Variants in RIMS2 observed in about 807,000 individuals in gnomAD.
RIMS2 encodes the protein regulating synaptic membrane exocytosis 2.
RIMS2 carries 59 observed loss-of-function variants against 174.4 expected under a neutral mutation model. That is an observed-to-expected ratio of 0.34 (90% confidence interval 0.27 to 0.42). The LOEUF (loss-of-function observed/expected upper bound fraction) is 0.42, where lower values mean the gene tolerates loss of function less well. Ranked by LOEUF, RIMS2 falls within the 10% of genes least tolerant of loss-of-function variation. The pLI, the probability that RIMS2 is intolerant of heterozygous loss-of-function variation, is 1.00. For missense variants in RIMS2, 1,620 were observed against 1,666.3 expected (o/e 0.97, Z 0.48); for synonymous variants, 606 against 572.5 (o/e 1.06, Z -0.84).
intron 1 of RIMS2, among the ~76,000 whole-genome samples, chr8:103,571,014 A>G (rs1003869693): frequency 3.3e-5 from 5 of 152,168 alleles, no homozygotes; most frequent in African/African-American, 9.6e-5. Flanking sequence ...CTAATGATCA[A>G]TTGGTCTACT....
chr8:103,754,892 CTG>C (rs1162679589), intron 2 of RIMS2, among the ~76,000 whole-genome samples: 2 of 152,134 alleles, frequency 1.3e-5, no homozygotes, highest in Non-Finnish European at 2.9e-5. Context: ...ATTTGCCAGT[CTG>C]TGTCTTTTAA....
intron 4 of RIMS2, among the ~76,000 whole-genome samples, chr8:103,908,266 C>G (rs2074933910): frequency 6.6e-6 from 1 of 152,170 alleles, no homozygotes; most frequent in South Asian, 2.1e-4. Context: ...TGATCTCCAT[C>G]TCTTGACCTC....
chr8:103,604,173 G>A (rs1187553398), intron 1 of RIMS2, among the ~76,000 whole-genome samples: 1 of 150,388 alleles, frequency 6.6e-6, no homozygotes, highest in Non-Finnish European at 1.5e-5. Flanking sequence ...ATTAATTTTT[G>A]TATAAGGTGT....
At chr8:104,131,338 A>G (rs1241801791) in intron 19 of RIMS2, among the ~76,000 whole-genome samples, 1 of 152,186 alleles carries the variant, frequency 6.6e-6, no homozygotes, top group Non-Finnish European at 1.5e-5. Context: ...GGTTGGATAG[A>G]GAGAGTAAGG....
chr8:103,883,222 A>G (rs558342477), intron 3 of RIMS2, among the ~76,000 whole-genome samples: 2 of 151,898 alleles, frequency 1.3e-5, no homozygotes, highest in South Asian at 2.1e-4. Context: ...TGTAAAATCT[A>G]TGCCTCTCAA....
At chr8:103,945,544 C>T (rs2154540632) in intron 14 of RIMS2, among the ~76,000 whole-genome samples, 1 of 152,120 alleles carries the variant, frequency 6.6e-6, no homozygotes, top group South Asian at 2.1e-4. Context: ...CTTCAACAAA[C>T]TATTAATAAA....
intron 17 of RIMS2, 72 bp downstream of exon 19, chr8:103,989,493 A>C: frequency 1.3e-6 from 1 of 762,836 alleles, no homozygotes; most frequent in Non-Finnish European, 2.1e-6. Flanking sequence ...GTTACCATAA[A>C]ATATTTTCAC....
chr8:103,613,788 C>A (rs1242175500), intron 1 of RIMS2, among the ~76,000 whole-genome samples: 2 of 152,132 alleles, frequency 1.3e-5, no homozygotes, highest in Non-Finnish European at 1.5e-5. Context: ...CTGGATTCTT[C>A]CTTCAAGACA....
At chr8:103,725,387 GT>G (rs2097515300) in intron 2 of RIMS2, among the ~76,000 whole-genome samples, 1 of 152,082 alleles carries the variant, frequency 6.6e-6, no homozygotes, top group South Asian at 2.1e-4. Context: ...TTTCCTGTCA[GT>G]TTTTTATCCC....
At chr8:103,928,874 G>T (rs891269399) in intron 11 of RIMS2, among the ~76,000 whole-genome samples, 1 of 151,302 alleles carries the variant, frequency 6.6e-6, no homozygotes, top group Non-Finnish European at 1.5e-5. Context: ...TGTTATATTT[G>T]GGGGAATCAA....
chr8:103,812,574 G>C (rs191047963), intron 3 of RIMS2, among the ~76,000 whole-genome samples: 1 of 152,072 alleles, frequency 6.6e-6, no homozygotes, highest in South Asian at 2.1e-4. Flanking sequence ...TAGAGGCGAG[G>C]TTTCATCATG....
intron 1 of RIMS2, among the ~76,000 whole-genome samples, chr8:103,512,291 T>A (rs1487570190): frequency 6.6e-6 from 1 of 152,188 alleles, no homozygotes; most frequent in Non-Finnish European, 1.5e-5. Flanking sequence ...ACAGTCCAGA[T>A]TCACTATCAC....
At chr8:103,509,470 A>G (rs1346159921) in intron 1 of RIMS2, among the ~76,000 whole-genome samples, 2 of 152,104 alleles carry the variant, frequency 1.3e-5, no homozygotes, top group African/African-American at 4.8e-5. Flanking sequence ...ATATTTCTGT[A>G]TCACCTCTAA....
chr8:103,732,429 G>A lies in RIMS2; in HGVS notation c.388-33798G>A, dbSNP rs1199726412. On this transcript the variant is annotated intron_variant, in intron 2 of 23. Transcript: ENST00000504942. ...GAGCCCTGGGAGTTGCTTAAGGCCC[G>A]CAGTGACCACTGGTGAACATATCAT... 4.6e-5 allele frequency among the ~76,000 whole-genome samples: 7 copies of A among 152,270 alleles called. No individual in the cohort carries two copies. In the South Asian group the frequency reaches 6.2e-4, roughly 14 times the overall value.
At chr8:103,886,518 A>G (rs945243075) in intron 4 of RIMS2, among the ~76,000 whole-genome samples, 2 of 151,890 alleles carry the variant, frequency 1.3e-5, no homozygotes, top group Admixed American at 1.3e-4. Context: ...CATTAACTGT[A>G]GTTTTTAAAA....
Position 103,646,301 on chromosome 8 carries a change from C to T in RIMS2, c.177-50785C>T, listed in dbSNP as rs185294008. Among the ~76,000 whole-genome samples, 38 of 152,080 alleles carry T rather than the reference C, an allele frequency of 2.5e-4. No homozygotes were observed. In the South Asian group the frequency reaches 3.7e-3, roughly 15 times the overall value. ...AGAATGACTCACTAAATGTGTGCCA[C>T]GTGAGGTAGAAGTTTTTTTTTAGTT... is the stretch of plus-strand genomic sequence containing the variant. On this transcript the variant is annotated intron_variant, in intron 1 of 23. Coordinates refer to ENST00000504942, the Ensembl canonical transcript of RIMS2.
At chr8:103,789,383 T>A (rs2098475064) in intron 3 of RIMS2, among the ~76,000 whole-genome samples, 1 of 152,112 alleles carries the variant, frequency 6.6e-6, no homozygotes. Context: ...AAACTCTCTT[T>A]TAAAGGGCTA....
At chr8:104,182,635 T>C (rs573334581) in intron 19 of RIMS2, among the ~76,000 whole-genome samples, 16 of 151,900 alleles carry the variant, frequency 1.1e-4, no homozygotes, top group Non-Finnish European at 1.8e-4. Context: ...TGGAGTCATA[T>C]AGTATGTGGT....
At chr8:103,505,412 C>T (rs984091593) in intron 1 of RIMS2, among the ~76,000 whole-genome samples, 3 of 152,028 alleles carry the variant, frequency 2.0e-5, no homozygotes, top group Admixed American at 1.3e-4. Flanking sequence ...ATAGCTGCCT[C>T]GTTAACCTTA....
Sources: allele counts gnomAD v4.1 joint callset (sites outside exome capture counted in the v4.1 genomes callset), GRCh38; gene constraint gnomAD v4.1.1; transcripts MANE v1.5; gene names NCBI Gene and HGNC (gene_info 2026-07-23, HGNC 2026-07-21).